Variants in THSD4 observed in about 807,000 individuals in gnomAD.
THSD4 encodes the protein thrombospondin type 1 domain containing 4, also known as thrombospondin type-1 domain-containing protein 4.
Under a neutral mutation model 119.0 loss-of-function variants are expected in THSD4, and 69 were observed. The ratio of observed to expected loss-of-function variants is 0.58; its 90% CI spans 0.48 to 0.71. THSD4 has a LOEUF of 0.71. Among genes scored for constraint, THSD4 ranks in the 30% least tolerant of loss-of-function variants. THSD4 has a pLI of 0.00. For synonymous variants in THSD4, 524 were observed against 540.4 expected (o/e 0.97, Z 0.42); for missense variants, 1,393 against 1,391.1 (o/e 1.00, Z -0.02).
At chr15:71,102,706 A>G (rs569668453) in intron 1 of THSD4, among the ~76,000 whole-genome samples, 59 of 152,286 alleles carry the variant, frequency 3.9e-4, no homozygotes, top group African/African-American at 1.4e-3. Flanking sequence ...CTGGGATTAC[A>G]GATGCCTGCC....
In THSD4 at chr15:71,484,767, T is replaced by C. The variant is rs548511361; in HGVS notation, c.1152+72944T>C. ...GTGACCTGTCCGTGGCCATCTGGAG[T>C]TTGTGATGAAGTGAACCCTTGTGAT... On this transcript the variant is annotated intron_variant, in intron 7 of 17. Transcript: ENST00000261862. Among the ~76,000 whole-genome samples, 6 of 152,056 alleles carry C rather than the reference T, an allele frequency of 3.9e-5. No homozygotes were observed. In the South Asian group the frequency reaches 1.2e-3, roughly 32 times the overall value.
intron 8 of THSD4, among the ~76,000 whole-genome samples, chr15:71,711,649 T>C (rs2052518310): frequency 6.7e-6 from 1 of 148,604 alleles, no homozygotes; most frequent in South Asian, 2.2e-4. Context: ...ATGCTGTCTA[T>C]AAGAAATCCA....
intron 6 of THSD4, among the ~76,000 whole-genome samples, chr15:71,266,302 G>A (rs2044465113): frequency 6.6e-6 from 1 of 152,192 alleles, no homozygotes; most frequent in Admixed American, 6.5e-5. Flanking sequence ...CTCTGCTGGT[G>A]ATACCTAGGC....
intron 4 of THSD4, among the ~76,000 whole-genome samples, chr15:71,228,305 G>A (rs1252835299): frequency 1.3e-5 from 2 of 152,058 alleles, no homozygotes; most frequent in Non-Finnish European, 2.9e-5. Context: ...TATAGCCACA[G>A]CCAAGGCATG....
At chr15:71,272,581 G>A (rs1484850009) in intron 6 of THSD4, among the ~76,000 whole-genome samples, 1 of 152,072 alleles carries the variant, frequency 6.6e-6, no homozygotes, top group Non-Finnish European at 1.5e-5. Flanking sequence ...ATGCCTGTTA[G>A]AATGGCCATT....
intron 7 of THSD4, among the ~76,000 whole-genome samples, chr15:71,563,188 G>C: frequency 1.3e-5 from 2 of 152,136 alleles, no homozygotes; most frequent in Non-Finnish European, 2.9e-5. Context: ...CGCATGTTTA[G>C]TGAACCTTTA....
intron 8 of THSD4, among the ~76,000 whole-genome samples, chr15:71,705,222 G>A (rs1310877671): frequency 6.6e-6 from 1 of 152,184 alleles, no homozygotes; most frequent in African/African-American, 2.4e-5. Context: ...GCCCACAGCA[G>A]GTGTCCCTCA....
intron 8 of THSD4, among the ~76,000 whole-genome samples, chr15:71,714,752 A>G (rs373663569): frequency 7.9e-5 from 12 of 152,280 alleles, no homozygotes; most frequent in African/African-American, 2.6e-4. Flanking sequence ...AGGCTGAGGC[A>G]GGAGAATCGC....
Position 71,304,011 on chromosome 15 carries a change from C to T in THSD4, c.1015+47296C>T, listed in dbSNP as rs147869550. ...AGAGGGCAAGAAGTCGAGAAGGACACGTCTCCAAGATAGAGCACTAAGAGC... is the reference window on the plus strand; with the variant it reads ...AGAGGGCAAGAAGTCGAGAAGGACATGTCTCCAAGATAGAGCACTAAGAGC... On this transcript the variant is annotated intron_variant, in intron 6 of 17. Coordinates refer to ENST00000261862, the MANE Select transcript of THSD4 (RefSeq NM_024817.3). Among the ~76,000 whole-genome samples, 148 of 152,306 alleles carry T rather than the reference C, an allele frequency of 9.7e-4. 4 individuals carry two copies. The East Asian group carries it at 0.028, about 29-fold the overall frequency.
intron 7 of THSD4, among the ~76,000 whole-genome samples, chr15:71,442,446 G>A (rs1462950345): frequency 4.7e-5 from 7 of 149,740 alleles, no homozygotes; most frequent in African/African-American, 1.5e-4. Flanking sequence ...GCACATACCT[G>A]TAATCCCAGC....
intron 6 of THSD4, among the ~76,000 whole-genome samples, chr15:71,291,518 G>T (rs1409730808): frequency 1.3e-5 from 2 of 152,152 alleles, no homozygotes; most frequent in African/African-American, 4.8e-5. Flanking sequence ...AAGCAATCAG[G>T]CAGGAGGAGT....
At chr15:71,654,967 CT>C (rs1286001165) in intron 7 of THSD4, among the ~76,000 whole-genome samples, 1 of 152,200 alleles carries the variant, frequency 6.6e-6, no homozygotes, top group African/African-American at 2.4e-5. Context: ...TGAAATTCAC[CT>C]CCAAATATGT....
intron 8 of THSD4, among the ~76,000 whole-genome samples, chr15:71,687,077 G>T (rs1330940670): frequency 6.6e-6 from 1 of 152,156 alleles, no homozygotes. Flanking sequence ...TACCAAAGCA[G>T]GATATCACGC....
chr15:71,527,333 A>T (rs1018774635), intron 7 of THSD4, among the ~76,000 whole-genome samples: 2 of 152,200 alleles, frequency 1.3e-5, no homozygotes, highest in Non-Finnish European at 2.9e-5. Flanking sequence ...CATTTATTGA[A>T]ACACACAAAC....
intron 5 of THSD4, among the ~76,000 whole-genome samples, chr15:71,252,590 C>G (rs1382515693): frequency 6.6e-6 from 1 of 152,158 alleles, no homozygotes; most frequent in Non-Finnish European, 1.5e-5. Flanking sequence ...TCTGGGGACC[C>G]ATCACAAATT....
intron 7 of THSD4, among the ~76,000 whole-genome samples, chr15:71,443,431 T>A (rs1016050248): frequency 7.7e-5 from 1 of 12,938 alleles, no homozygotes; most frequent in South Asian, 6.8e-3. Context: ...GAAAAACAGA[T>A]CCCTCTCTCT....
intron 8 of THSD4, among the ~76,000 whole-genome samples, chr15:71,715,149 C>T (rs17799275): frequency 0.17 from 25,774 of 152,098 alleles, 2,402 homozygotes; most frequent in Middle Eastern, 0.22. Flanking sequence ...ATTCAGTTAT[C>T]GCTTGGAGTT....
intron 8 of THSD4, among the ~76,000 whole-genome samples, chr15:71,693,973 C>T (rs1595869382): frequency 2.0e-5 from 3 of 151,776 alleles, no homozygotes; most frequent in South Asian, 4.2e-4. Flanking sequence ...GAATCATATA[C>T]CACTGCACTC....
chr15:71,695,605 T>G (rs2052149894), intron 8 of THSD4, among the ~76,000 whole-genome samples: 1 of 151,882 alleles, frequency 6.6e-6, no homozygotes, highest in Non-Finnish European at 1.5e-5. Context: ...CCATTCTCCC[T>G]TAGTGAAGGG....
Sources: gnomAD v4.1 joint callset for allele counts (sites outside exome capture counted in the v4.1 genomes callset) on GRCh38, gnomAD v4.1.1 for gene constraint, MANE v1.5 for transcripts, NCBI Gene and HGNC (gene_info 2026-07-23, HGNC 2026-07-21) for gene names.